TAF9: variants seen among roughly 807,000 people sequenced by gnomAD.
TAF9 encodes TATA-box binding protein associated factor 9, also known as transcription initiation factor TFIID subunit 9.
In TAF9, 10 loss-of-function variants were observed where a neutral mutation model predicts 16.5. That is an observed-to-expected ratio of 0.61 (90% CI 0.37 to 1.03). TAF9 has a LOEUF of 1.03. Among genes scored for constraint, TAF9 ranks in the 50% least tolerant of loss-of-function variants. The probability of loss-of-function intolerance (pLI) is 0.01; values close to 1 mark genes in which losing one functional copy is unlikely to be tolerated. For synonymous variants in TAF9, 105 were observed against 120.5 expected (o/e 0.87, Z 0.84); for missense variants, 288 against 319.1 (o/e 0.90, Z 0.74).
At chr5:69,369,807 C>T (rs1051596867), upstream of TAF9, 9 of 1,196,388 alleles carry the variant, frequency 7.5e-6, no homozygotes, top group African/African-American at 1.6e-5. Context: ...CTGGAAGGTC[C>T]CCGGGAGGCC....
intron 1 of TAF9, among the ~76,000 whole-genome samples, chr5:69,368,086 C>G (rs536975681): frequency 6.6e-6 from 1 of 152,298 alleles, no homozygotes; most frequent in East Asian, 1.9e-4. Flanking sequence ...CCCTTGCGCC[C>G]TTCCCTAGAG....
At position 69,364,758 on chromosome 5, in the gene TAF9, C is replaced by CT; in HGVS notation, c.*184dup. 1.5e-6 allele frequency: 1 copy of CT among 681,730 alleles called. No individual in the cohort carries two copies. 42.2% of individuals were successfully genotyped at this position (681,730 alleles called of 1,614,324 possible). On this transcript the variant is annotated 3_prime_UTR_variant, in exon 3 of 3. Transcript: ENST00000217893. Reference sequence around the variant, plus strand: ...GCACCAACAATCGAATGAATGACAACTTTATTTTTCTTACACTTTTAAGGC... The same window carrying CT: ...GCACCAACAATCGAATGAATGACAACTTTTATTTTTCTTACACTTTTAAGGC...
chr5:69,369,241 C>A (rs934854211), intron 1 of TAF9: 31 of 240,078 alleles, frequency 1.3e-4, no homozygotes, highest in East Asian at 7.9e-5. Flanking sequence ...CCCCCGCCCC[C>A]CCCCGGAGCC....
In TAF9 at chr5:69,365,435, T is replaced by C; in HGVS notation, c.303A>G (p.Gln101=). 6.2e-7 allele frequency: 1 copy of C among 1,614,234 alleles called. No homozygotes were observed. Residue 101 remains glutamine (Q), a synonymous_variant, in exon 3 of 3, where the codon CAA becomes CAG. Coordinates refer to ENST00000217893, the MANE Select transcript of TAF9 (RefSeq NM_003187.5). ...FLLDIARQRN[Q]TPLPLIKPYS... is the part of the protein sequence containing the mutation. ...ATGGCTTGATCAATGGCAAAGGGGT[T>C]TGATTTCTTTGCCTTGCAATATCTA...
chr5:69,365,263 T>C lies in TAF9; in HGVS notation c.475A>G (p.Thr159Ala). ...SVGSVTSRPS[T>A]PTLGTPTPQT... ...GGGGTTGGTGTGCCTAGTGTGGGAG[T>C]ACTTGGTCTGCTAGTAACTGAACCA... The change falls in exon 3 of 3, where the codon ACT becomes GCT. Residue 159 changes from threonine (T) to alanine (A), a missense_variant. Coordinates refer to ENST00000217893, the MANE Select transcript of TAF9 (RefSeq NM_003187.5). 6.2e-7 allele frequency: 1 copy of C among 1,614,114 alleles called. No individual in the cohort carries two copies. Among genetic ancestry groups the C allele is most frequent in the Non-Finnish European group, 8.5e-7 (1 of 1,180,024 alleles).
At chr5:69,366,258 T>C (rs1421671132) in intron 2 of TAF9, among the ~76,000 whole-genome samples, 1 of 152,176 alleles carries the variant, frequency 6.6e-6, no homozygotes, top group Non-Finnish European at 1.5e-5. Context: ...TCCAGTCTCT[T>C]TATAGGAGCC....
Position 69,365,028 on chromosome 5 carries a change from G to A in TAF9, c.710C>T (p.Ala237Val), listed in dbSNP as rs1474668707. 6.2e-7 allele frequency: 1 copy of A among 1,613,842 alleles called. No homozygotes were observed. The highest frequency in any genetic ancestry group is 1.3e-5 in the African/African-American group (1 of 74,878). ...TTNMMSSQNT[A>V]NESSNALKRK... ...TTTCAATGCATTTGATGATTCATTG[G>A]CAGTATTTTGTGATGACATCATATT... The change falls in exon 3 of 3, where the codon GCC becomes GTC. Residue 237 changes from alanine (A) to valine (V), a missense_variant. By Grantham distance (64) the Ala-to-Val change is moderately conservative (BLOSUM62 0). Coordinates refer to ENST00000217893, the MANE Select transcript of TAF9 (RefSeq NM_003187.5).
chr5:69,366,985 C>T (rs1762457699), intron 1 of TAF9, among the ~76,000 whole-genome samples: 3 of 152,012 alleles, frequency 2.0e-5, no homozygotes, highest in Admixed American at 6.5e-5. Flanking sequence ...TCTCAAACTC[C>T]TAACCTCAGG....
At position 69,364,973 on chromosome 5, in the gene TAF9, A is replaced by ATCG; in HGVS notation, c.762_764dup (p.Asp260dup). ...GATTATCATAGTCATCATCATCATCATCGTCATCATCATCATCTTCACGTT... is the reference window on the plus strand; with the variant it reads ...GATTATCATAGTCATCATCATCATCATCGTCGTCATCATCATCATCTTCACGTT... On this transcript the variant is annotated inframe_insertion, in exon 3 of 3. Transcript: ENST00000217893. The ATCG allele has an allele frequency of 1.2e-6, 2 of 1,612,792 alleles. No homozygotes were observed. The highest frequency in any genetic ancestry group is 1.7e-6 in the Non-Finnish European group (2 of 1,179,424).
At chr5:69,368,376 CAGG>C (rs1762604964) in intron 1 of TAF9, among the ~76,000 whole-genome samples, 1 of 152,168 alleles carries the variant, frequency 6.6e-6, no homozygotes, top group African/African-American at 2.4e-5. Flanking sequence ...TTCCCATACC[CAGG>C]AGAATAACGG....
In TAF9 at chr5:69,365,717, A is replaced by C; in HGVS notation, c.21T>G (p.Ala7=). The part of the protein sequence containing the change: MESGKT[A]SPKSMPKDAQ... ...CATCTTTCGGCATGCTCTTGGGAGA[A>C]GCCGTCTTGCCAGACTCCATGATAT... is the stretch of plus-strand genomic sequence containing the variant. Residue 7 remains alanine, a synonymous_variant, in exon 3 of 3, where the codon GCT becomes GCG. Transcript: ENST00000217893. The C allele has an allele frequency of 6.4e-7, 1 of 1,562,318 alleles. No homozygotes were observed. The highest frequency in any genetic ancestry group is 1.2e-5 in the South Asian group (1 of 83,164).
At chr5:69,366,635 C>G in intron 1 of TAF9, 40 bp from the exon 2 acceptor site, 1 of 1,387,750 alleles carries the variant, frequency 7.2e-7, no homozygotes, top group Non-Finnish European at 1.0e-6. Context: ...TTGTGAAATA[C>G]TACTTATCAC....
chr5:69,366,403 C>G, intron 2 of TAF9, 100 bp downstream of exon 2: 2 of 862,280 alleles, frequency 2.3e-6, no homozygotes, highest in Non-Finnish European at 3.7e-6. Flanking sequence ...TAATGGCAAT[C>G]TCTGTTTTTT....
In TAF9 at chr5:69,366,485, C is replaced by T. The variant is rs768382576; in HGVS notation, c.-18+18G>A. On this transcript the variant is annotated intron_variant, in intron 2 of 2. Transcript: ENST00000217893. ...TAAAAAAAAAACAAAACAAATCTAA[C>T]ACCAAAGTGTCCCTTACCTTCTCGA... The T allele has an allele frequency of 6.3e-7, 1 of 1,592,128 alleles. No individual in the cohort carries two copies. Among genetic ancestry groups the T allele is most frequent in the Non-Finnish European group, 8.6e-7 (1 of 1,162,128 alleles).
At position 69,369,517 on chromosome 5, in the gene TAF9, C is replaced by T; in HGVS notation, c.-165G>A. 2.5e-6 allele frequency: 4 copies of T among 1,611,326 alleles called. No homozygotes were observed. Among genetic ancestry groups the T allele is most frequent in the Non-Finnish European group, 2.5e-6 (3 of 1,179,238 alleles). On this transcript the variant is annotated 5_prime_UTR_variant, in exon 1 of 3. Transcript: ENST00000217893. ...GTCCCCGCCGCGACGGCTTCGGGCGCCTCGCTCACGTGCCCTTTGCTCTAC... is the reference window on the plus strand; with the variant it reads ...GTCCCCGCCGCGACGGCTTCGGGCGTCTCGCTCACGTGCCCTTTGCTCTAC...
chr5:69,365,434 T>A lies in TAF9; in HGVS notation c.304A>T (p.Thr102Ser). 6.2e-7 allele frequency: 1 copy of A among 1,613,908 alleles called. No homozygotes were observed. The highest frequency in any genetic ancestry group is 8.5e-7 in the Non-Finnish European group (1 of 1,179,926). Residue 102 changes from threonine to serine, a missense_variant, in exon 3 of 3, where the codon ACC (threonine) becomes TCC (serine). By Grantham distance (58) the Thr-to-Ser change is moderately conservative. Coordinates refer to ENST00000217893, the MANE Select transcript of TAF9 (RefSeq NM_003187.5). Reference sequence around the variant, plus strand: ...TATGGCTTGATCAATGGCAAAGGGGTTTGATTTCTTTGCCTTGCAATATCT... The same window carrying A: ...TATGGCTTGATCAATGGCAAAGGGGATTGATTTCTTTGCCTTGCAATATCT... ...LLDIARQRNQ[T>S]PLPLIKPYSG...
chr5:69,368,008 C>G (rs1214308017), intron 1 of TAF9: 3 of 152,098 alleles, frequency 2.0e-5, no homozygotes, highest in Non-Finnish European at 2.9e-5. Context: ...CAAACAAAAA[C>G]AAAAACAAGA....
Position 69,369,459 on chromosome 5 carries a change from T to A in TAF9, c.-111+4A>T. The A allele has an allele frequency of 6.2e-7, 1 of 1,610,194 alleles. No homozygotes were observed. The highest frequency in any genetic ancestry group is 1.7e-4 in the Middle Eastern group (1 of 5,752). On this transcript the variant is annotated splice_donor_region_variant and intron_variant, in intron 1 of 2. Transcript: ENST00000217893. ...CCCAGTCCCTCCCGGCCGCGCGCCC[T>A]GACCGGTGAGCAGGATGTTCGGAAG...
chr5:69,366,649 G>A, intron 1 of TAF9, 54 bp from the exon 2 acceptor site: 1 of 1,249,342 alleles, frequency 8.0e-7, no homozygotes, highest in East Asian at 2.3e-5. Flanking sequence ...TTATCACACT[G>A]CGGTCCACCT....
Sources: allele counts gnomAD v4.1 joint callset (sites outside exome capture counted in the v4.1 genomes callset), GRCh38; gene constraint gnomAD v4.1.1; transcripts MANE v1.5; gene names NCBI Gene and HGNC (gene_info 2026-07-23, HGNC 2026-07-21).